The following CCDC170 variants were observed in gnomAD, a reference collection of about 807,000 sequenced individuals.
CCDC170 encodes coiled-coil domain containing 170, also known as coiled-coil domain-containing protein 170.
Under a neutral mutation model 72.6 loss-of-function variants are expected in CCDC170, and 69 were observed. That is an observed-to-expected ratio of 0.95 (90% CI 0.78 to 1.16). CCDC170 has a LOEUF of 1.16. Ranked by LOEUF, CCDC170 falls within the 50% of genes most tolerant of loss-of-function variation. The pLI is 0.00. For missense variants in CCDC170, 852 were observed against 832.5 expected, an observed-to-expected ratio of 1.02 and a Z score of -0.29; for synonymous variants, 300 against 303.9, an observed-to-expected ratio of 0.99 and a Z score of 0.13.
At chr6:151,565,331 G>A (rs531852004) in intron 5 of CCDC170, among the ~76,000 whole-genome samples, 9 of 152,292 alleles carry the variant, frequency 5.9e-5, no homozygotes, top group East Asian at 3.9e-4. Flanking sequence ...GCCATTGTGC[G>A]GTCTGCAGAC....
chr6:151,554,155 T>G (rs1363317562), intron 5 of CCDC170, among the ~76,000 whole-genome samples: 3 of 152,252 alleles, frequency 2.0e-5, no homozygotes, highest in African/African-American at 2.4e-5. Context: ...AAGTTGGTAC[T>G]TGGTACTTTT....
At chr6:151,601,080 A>C (rs906404894) in intron 9 of CCDC170, among the ~76,000 whole-genome samples, 1 of 152,218 alleles carries the variant, frequency 6.6e-6, no homozygotes, top group African/African-American at 2.4e-5. Context: ...TTCCAAAAGA[A>C]AGAGGTTTAA....
intron 1 of CCDC170, among the ~76,000 whole-genome samples, chr6:151,527,655 G>A (rs931097546): frequency 2.6e-5 from 4 of 152,116 alleles, no homozygotes; most frequent in Non-Finnish European, 4.4e-5. Context: ...ACCACTGGAA[G>A]CTTGGTGGGG....
At position 151,551,425 on chromosome 6, in the gene CCDC170, T is replaced by A. The variant is rs931295981; in HGVS notation, c.774+2936T>A. Among the ~76,000 whole-genome samples, 4 of 152,226 alleles carry A rather than the reference T, an allele frequency of 2.6e-5. No individual in the cohort carries two copies. The East Asian group carries it at 7.7e-4, about 29-fold the overall frequency. On this transcript the variant is annotated intron_variant, in intron 5 of 10. Transcript: ENST00000239374. The stretch of plus-strand genomic sequence containing the variant: ...CATACATTTTTTTATATGCTTCCTC[T>A]TGAGCACGGTCTGGACTTAGTGATT...
At chr6:151,601,543 TTG>T (rs1262238595) in intron 9 of CCDC170, among the ~76,000 whole-genome samples, 1 of 151,660 alleles carries the variant, frequency 6.6e-6, no homozygotes, top group Non-Finnish European at 1.5e-5. Context: ...GTATGTGTGT[TTG>T]TGTGTGTATA....
At chr6:151,597,877 C>G (rs1021354862) in intron 9 of CCDC170, among the ~76,000 whole-genome samples, 3 of 152,146 alleles carry the variant, frequency 2.0e-5, no homozygotes, top group Non-Finnish European at 2.9e-5. Flanking sequence ...TCTGAAACTG[C>G]TTTTTGGAAG....
At chr6:151,591,795 C>T (rs560969235) in intron 7 of CCDC170, among the ~76,000 whole-genome samples, 33 of 152,014 alleles carry the variant, frequency 2.2e-4, no homozygotes, top group Admixed American at 4.6e-4. Context: ...GCACCTGGCC[C>T]TGCATTAAAA....
Position 151,562,310 on chromosome 6 carries a change from T to G in CCDC170, c.775-10864T>G, listed in dbSNP as rs1056426962. Among the ~76,000 whole-genome samples the G allele has an allele frequency of 3.3e-5, 5 of 152,198 alleles. No homozygotes were observed. The South Asian group carries it at 6.2e-4, about 19-fold the overall frequency. On this transcript the variant is annotated intron_variant, in intron 5 of 10. Transcript: ENST00000239374. ...ACTCTGGCTTTTTGTACTGCTGGAG[T>G]TCTTGCACTGAGTCCTTCTCAGGGA... is the stretch of plus-strand genomic sequence containing the variant.
intron 3 of CCDC170, among the ~76,000 whole-genome samples, chr6:151,540,755 C>G (rs1449020548): frequency 6.6e-6 from 1 of 151,972 alleles, no homozygotes; most frequent in Non-Finnish European, 1.5e-5. Context: ...AATTACCTCC[C>G]AAAGGCCCAA....
intron 1 of CCDC170, among the ~76,000 whole-genome samples, chr6:151,528,728 C>A (rs1782448176): frequency 6.7e-6 from 1 of 150,000 alleles, no homozygotes; most frequent in South Asian, 2.1e-4. Context: ...GTCCCAGCTA[C>A]TTGGGAGGCT....
chr6:151,570,904 G>A (rs769684441), intron 5 of CCDC170, among the ~76,000 whole-genome samples: 3 of 152,102 alleles, frequency 2.0e-5, no homozygotes, highest in Admixed American at 6.5e-5. Flanking sequence ...CAAAGGAAAG[G>A]GGAAACCAAG....
At chr6:151,580,845 A>G (rs1776369563) in intron 6 of CCDC170, among the ~76,000 whole-genome samples, 1 of 152,232 alleles carries the variant, frequency 6.6e-6, no homozygotes, top group African/African-American at 2.4e-5. Flanking sequence ...CACTGCGACA[A>G]AGCAAGTGTC....
At chr6:151,594,144 G>A (rs1776586205) in intron 8 of CCDC170, among the ~76,000 whole-genome samples, 1 of 152,098 alleles carries the variant, frequency 6.6e-6, no homozygotes, top group Non-Finnish European at 1.5e-5. Context: ...TTGGTATTGG[G>A]GAAAGAAATA....
Position 151,511,153 on chromosome 6 carries a change from C to T in CCDC170, c.57+16968C>T, listed in dbSNP as rs181658329. On this transcript the variant is annotated intron_variant, in intron 1 of 10. Coordinates refer to ENST00000239374, the MANE Select transcript of CCDC170 (RefSeq NM_025059.4). ...TTGGTCGACTGTCTACTACGCTTTC[C>T]AGTTCTTCTAAAACTCACTAACTTT... Among the ~76,000 whole-genome samples, 98 of 152,294 alleles carry T rather than the reference C, an allele frequency of 6.4e-4. 1 individual carries two copies. The highest frequency in any genetic ancestry group is 2.3e-3 in the African/African-American group (94 of 41,564).
intron 1 of CCDC170, among the ~76,000 whole-genome samples, chr6:151,533,044 C>T (rs1782513477): frequency 7.0e-6 from 1 of 143,476 alleles, no homozygotes; most frequent in Non-Finnish European, 1.5e-5. Flanking sequence ...TACCTCTTGA[C>T]TATTTCTCTT....
Position 151,501,312 on chromosome 6 carries a change from C to T in CCDC170, c.57+7127C>T, listed in dbSNP as rs1384247207. On this transcript the variant is annotated intron_variant, in intron 1 of 10. Transcript: ENST00000239374. ...AATGGCTTCTGGACTAGAAAAAGGA[C>T]ATTAGTGAAAAAAAAACTGATTATA... Among the ~76,000 whole-genome samples the T allele has an allele frequency of 5.3e-5, 8 of 151,386 alleles. No homozygotes were observed. In the East Asian group the frequency reaches 1.6e-3, roughly 29 times the overall value.
rs146678814 is a variant in CCDC170, at chr6:151,598,132, G to C, written c.1710+1555G>C. On this transcript the variant is annotated intron_variant, in intron 9 of 10. Transcript: ENST00000239374. ...GAAGGACACATCTGAATACAAGGAA[G>C]GGGGGAAGCAAGGGAAAGCATCTGA... is the stretch of plus-strand genomic sequence containing the variant. Among the ~76,000 whole-genome samples the C allele has an allele frequency of 8.2e-3, 1,246 of 152,298 alleles. 16 individuals are homozygous for C. Among genetic ancestry groups the C allele is most frequent in the African/African-American group, 0.028 (1,145 of 41,564 alleles).
intron 5 of CCDC170, among the ~76,000 whole-genome samples, chr6:151,562,579 C>T (rs991659855): frequency 1.2e-4 from 18 of 152,102 alleles, no homozygotes; most frequent in African/African-American, 4.3e-4. Context: ...ATTAGAAAGA[C>T]TGGTTGTCAG....
At chr6:151,610,509 A>G (rs1306085716) in intron 9 of CCDC170, among the ~76,000 whole-genome samples, 1 of 152,226 alleles carries the variant, frequency 6.6e-6, no homozygotes, top group Admixed American at 6.5e-5. Flanking sequence ...TGTGAGAGTA[A>G]GTAGCAAACA....
Sources: allele counts gnomAD v4.1 joint callset (sites outside exome capture counted in the v4.1 genomes callset), GRCh38; gene constraint gnomAD v4.1.1; transcripts MANE v1.5; gene names NCBI Gene and HGNC (gene_info 2026-07-23, HGNC 2026-07-21).